The following ADGRB3 variants were observed in gnomAD, a reference collection of about 807,000 sequenced individuals.
The protein encoded by ADGRB3 is adhesion G protein-coupled receptor B3.
Under a neutral mutation model 193.4 loss-of-function variants are expected in ADGRB3, and 37 were observed. That is an observed-to-expected ratio of 0.19 (90% CI 0.15 to 0.25). The LOEUF is 0.25. Among genes scored for constraint, ADGRB3 ranks in the 10% least tolerant of loss-of-function variants. The probability of loss-of-function intolerance (pLI) is 1.00; values close to 1 mark genes in which losing one functional copy is unlikely to be tolerated. For missense variants in ADGRB3, 1,637 were observed against 1,852.9 expected, an observed-to-expected ratio of 0.88 and a Z score of 2.14; for synonymous variants, 690 against 644.2, an observed-to-expected ratio of 1.07 and a Z score of -1.08.
At chr6:69,061,946 G>T (rs986276997) in intron 15 of ADGRB3, among the ~76,000 whole-genome samples, 1 of 151,820 alleles carries the variant, frequency 6.6e-6, no homozygotes, top group African/African-American at 2.4e-5. Flanking sequence ...ACTTAAAATT[G>T]TGAGTTTTAT....
At chr6:69,163,418 G>A (rs1775049087) in intron 17 of ADGRB3, among the ~76,000 whole-genome samples, 1 of 151,974 alleles carries the variant, frequency 6.6e-6, no homozygotes, top group Non-Finnish European at 1.5e-5. Flanking sequence ...CAAATGATTT[G>A]CTCTGCAAAT....
intron 3 of ADGRB3, among the ~76,000 whole-genome samples, chr6:68,887,656 G>T (rs1440742604): frequency 6.6e-6 from 1 of 151,322 alleles, no homozygotes; most frequent in African/African-American, 2.4e-5. Context: ...TTAACTCTTT[G>T]TTTAATATCT....
At chr6:68,710,057 T>C (rs972815464) in intron 3 of ADGRB3, among the ~76,000 whole-genome samples, 1 of 152,190 alleles carries the variant, frequency 6.6e-6, no homozygotes, top group African/African-American at 2.4e-5. Context: ...TCTGAGGTCC[T>C]GGAGCTAGTC....
At chr6:68,772,882 C>CAAA (rs763967322) in intron 3 of ADGRB3, among the ~76,000 whole-genome samples, 131 of 23,800 alleles carry the variant, frequency 5.5e-3, no homozygotes, top group East Asian at 7.2e-3. Flanking sequence ...AACAAACAAA[C>CAAA]AAAAAAAAAA....
chr6:69,365,532 T>C (rs574679801), intron 29 of ADGRB3, among the ~76,000 whole-genome samples: 4 of 152,216 alleles, frequency 2.6e-5, no homozygotes, highest in African/African-American at 9.6e-5. Context: ...TGTAAACACC[T>C]TAAGTGGTTT....
intron 17 of ADGRB3, among the ~76,000 whole-genome samples, chr6:69,184,863 CTT>C (rs1765036850): frequency 6.6e-6 from 1 of 152,078 alleles, no homozygotes. Flanking sequence ...TTGCCGATTA[CTT>C]GAGCATTCAT....
chr6:68,774,279 A>G (rs1333608959), intron 3 of ADGRB3, among the ~76,000 whole-genome samples: 1 of 152,040 alleles, frequency 6.6e-6, no homozygotes, highest in Non-Finnish European at 1.5e-5. Flanking sequence ...TGTAGGAAGC[A>G]GGAAAAAATT....
intron 16 of ADGRB3, among the ~76,000 whole-genome samples, chr6:69,067,162 AT>A (rs964650623): frequency 6.6e-6 from 1 of 151,816 alleles, no homozygotes; most frequent in African/African-American, 2.4e-5. Context: ...TGGCTTTTAA[AT>A]TTTTTTTCCT....
chr6:69,127,627 G>A (rs1341920161), intron 17 of ADGRB3, among the ~76,000 whole-genome samples: 2 of 152,156 alleles, frequency 1.3e-5, no homozygotes, highest in Non-Finnish European at 2.9e-5. Flanking sequence ...ACAAAACATA[G>A]CTGGATCTTG....
intron 3 of ADGRB3, among the ~76,000 whole-genome samples, chr6:68,850,196 G>T (rs1768369241): frequency 6.6e-6 from 1 of 151,204 alleles, no homozygotes; most frequent in Admixed American, 6.6e-5. Context: ...ATTTTACCAT[G>T]GATTCTCGAT....
intron 17 of ADGRB3, among the ~76,000 whole-genome samples, chr6:69,132,527 C>T (rs1052808523): frequency 2.6e-5 from 4 of 151,860 alleles, no homozygotes; most frequent in African/African-American, 9.7e-5. Flanking sequence ...GGATATCAGC[C>T]CTTTGTCAGA....
chr6:68,980,557 A>G (rs1252479557), intron 10 of ADGRB3, among the ~76,000 whole-genome samples: 4 of 151,622 alleles, frequency 2.6e-5, no homozygotes, highest in Non-Finnish European at 5.9e-5. Flanking sequence ...TTATTACTTC[A>G]GCTTATTTGG....
At chr6:69,162,336 A>G (rs927609184) in intron 17 of ADGRB3, among the ~76,000 whole-genome samples, 2 of 152,266 alleles carry the variant, frequency 1.3e-5, no homozygotes, top group East Asian at 3.9e-4. Flanking sequence ...CTAAAAATGA[A>G]ATATTGGAAA....
intron 17 of ADGRB3, among the ~76,000 whole-genome samples, chr6:69,153,073 G>A (rs571991409): frequency 2.2e-4 from 33 of 151,972 alleles, no homozygotes; most frequent in African/African-American, 3.9e-4. Flanking sequence ...CACATGAAGC[G>A]TCCACCCAGA....
At chr6:69,285,897 C>T (rs1248160622) in intron 20 of ADGRB3, among the ~76,000 whole-genome samples, 1 of 151,872 alleles carries the variant, frequency 6.6e-6, no homozygotes, top group East Asian at 1.9e-4. Context: ...CTTCTACCAA[C>T]ATAAGTCTAC....
intron 17 of ADGRB3, among the ~76,000 whole-genome samples, chr6:69,230,512 A>C (rs1347636760): frequency 6.6e-6 from 1 of 152,212 alleles, no homozygotes; most frequent in Non-Finnish European, 1.5e-5. Context: ...CATGCTTTCA[A>C]AGAATTTTTT....
intron 17 of ADGRB3, 151 bp from the exon 18 acceptor site, chr6:69,233,139 A>T (rs902821743): frequency 6.1e-6 from 7 of 1,147,744 alleles, no homozygotes; most frequent in Admixed American, 2.3e-5. Context: ...ATGCATCTAA[A>T]TTACATCCTG....
Position 69,339,336 on chromosome 6 carries a change from G to A in ADGRB3, c.3291G>A (p.Ala1097=), listed in dbSNP as rs777094686. The part of the protein sequence containing the change: ...LSATTASNAM[A]SLWSSCVVLP... ...GTTACTTTCTTGGTCTCAACAGGGC[G>A]TCTCTTTGGAGCTCCTGTGTGGTGT... The change falls in exon 26 of 32, where the codon GCG becomes GCA. Residue 1097 remains alanine, a synonymous_variant. Coordinates refer to ENST00000370598, the MANE Select transcript of ADGRB3 (RefSeq NM_001704.3). The A allele has an allele frequency of 9.5e-5, 154 of 1,613,508 alleles. No homozygotes were observed. The highest frequency in any genetic ancestry group is 1.9e-4 in the South Asian group (17 of 91,060).
chr6:68,677,169 T>A (rs1265363987), intron 3 of ADGRB3, among the ~76,000 whole-genome samples: 1 of 152,204 alleles, frequency 6.6e-6, no homozygotes, highest in East Asian at 1.9e-4. Flanking sequence ...TTCAGATATT[T>A]GTATTTCTTA....
Sources: allele counts gnomAD v4.1 joint callset (sites outside exome capture counted in the v4.1 genomes callset), GRCh38; gene constraint gnomAD v4.1.1; transcripts MANE v1.5; gene names NCBI Gene and HGNC (gene_info 2026-07-23, HGNC 2026-07-21).